Variants in IMPG1 observed in about 807,000 individuals in gnomAD.
The protein encoded by IMPG1 is interphotoreceptor matrix proteoglycan of 150 kDa.
Under a neutral mutation model 92.0 loss-of-function variants are expected in IMPG1, and 85 were observed. The ratio of observed to expected loss-of-function variants is 0.92; its 90% CI spans 0.78 to 1.11. IMPG1 has a LOEUF of 1.11. Ranked by LOEUF, IMPG1 falls within the 50% of genes least tolerant of loss-of-function variation. The pLI is 0.00. For missense variants in IMPG1, 1,022 were observed against 956.0 expected, an observed-to-expected ratio of 1.07 and a Z score of -0.91; for synonymous variants, 367 against 334.1, an observed-to-expected ratio of 1.10 and a Z score of -1.08.
Position 75,950,685 on chromosome 6 carries a change from G to A in IMPG1, c.1701C>T (p.Ala567=), listed in dbSNP as rs1490119508. 6.2e-7 allele frequency: 1 copy of A among 1,613,824 alleles called. No individual in the cohort carries two copies. Among genetic ancestry groups the A allele is most frequent in the Non-Finnish European group, 8.5e-7 (1 of 1,179,892 alleles). Residue 567 remains alanine (A), a synonymous_variant, in exon 13 of 17, where the codon GCC becomes GCT. Coordinates refer to ENST00000369950, the MANE Select transcript of IMPG1 (RefSeq NM_001563.4). ...QYITTSSMTI[A]PKGRELVVFF... is the part of the protein sequence containing the mutation. ...ACACTACCAGCTCTCGGCCCTTGGG[G>A]GCAATGGTCATAGAACTAGTGGTGA... is the stretch of plus-strand genomic sequence containing the variant.
chr6:76,000,484 G>A (rs563972523), intron 12 of IMPG1, among the ~76,000 whole-genome samples: 19 of 151,794 alleles, frequency 1.3e-4, no homozygotes, highest in East Asian at 7.8e-4. Flanking sequence ...TCTGTAAATC[G>A]CTATAAATCT....
intron 12 of IMPG1, among the ~76,000 whole-genome samples, chr6:75,969,410 T>C (rs1235978632): frequency 1.3e-5 from 2 of 152,140 alleles, no homozygotes; most frequent in Non-Finnish European, 2.9e-5. Context: ...CAAAATATCA[T>C]GTATGTGATA....
At chr6:75,944,312 C>A (rs1053228395) in intron 14 of IMPG1, among the ~76,000 whole-genome samples, 4 of 152,212 alleles carry the variant, frequency 2.6e-5, no homozygotes, top group African/African-American at 9.6e-5. Flanking sequence ...CGGTTTAGCA[C>A]AGTGGCTTCT....
At chr6:75,957,548 C>G (rs76654591) in intron 12 of IMPG1, among the ~76,000 whole-genome samples, 11,421 of 152,214 alleles carry the variant, frequency 0.075, 481 homozygotes, top group South Asian at 0.11. Context: ...GTCTAAGTCT[C>G]TTTGCAGGCC....
chr6:75,945,699 C>G (rs560604733), intron 14 of IMPG1, among the ~76,000 whole-genome samples: 1 of 152,298 alleles, frequency 6.6e-6, no homozygotes, highest in East Asian at 1.9e-4. Context: ...GCAGTTACCA[C>G]ACAAGATTCA....
chr6:75,967,841 AT>A (rs1782333969), intron 12 of IMPG1, among the ~76,000 whole-genome samples: 1 of 152,206 alleles, frequency 6.6e-6, no homozygotes, highest in Non-Finnish European at 1.5e-5. Context: ...AGAATTTGAT[AT>A]TTAGCCACAT....
chr6:76,066,509 A>T (rs999943453), intron 1 of IMPG1, among the ~76,000 whole-genome samples: 3 of 152,122 alleles, frequency 2.0e-5, no homozygotes, highest in Non-Finnish European at 4.4e-5. Context: ...TAACAAGAAA[A>T]TATAACATTT....
At chr6:75,995,370 A>AT (rs1782878737) in intron 12 of IMPG1, among the ~76,000 whole-genome samples, 1 of 152,170 alleles carries the variant, frequency 6.6e-6, no homozygotes, top group Non-Finnish European at 1.5e-5. Context: ...CAGGGCTTAT[A>AT]AAGCTCTATG....
At chr6:75,988,339 T>C (rs1020716805) in intron 12 of IMPG1, among the ~76,000 whole-genome samples, 2 of 152,194 alleles carry the variant, frequency 1.3e-5, no homozygotes, top group Non-Finnish European at 2.9e-5. Context: ...TGATATCTCA[T>C]TGTTGCTTTG....
chr6:75,945,404 C>G (rs955573508), intron 14 of IMPG1, among the ~76,000 whole-genome samples: 1 of 144,364 alleles, frequency 6.9e-6, no homozygotes, highest in Non-Finnish European at 1.5e-5. Flanking sequence ...GGCTGGAGTG[C>G]AGTGGGGGCA....
intron 12 of IMPG1, among the ~76,000 whole-genome samples, chr6:75,984,142 A>C (rs1262799649): frequency 6.6e-6 from 1 of 152,246 alleles, no homozygotes; most frequent in East Asian, 1.9e-4. Context: ...TGTAACCATT[A>C]AGTAAAGCAG....
intron 1 of IMPG1, among the ~76,000 whole-genome samples, chr6:76,063,110 A>G (rs1784235437): frequency 6.6e-6 from 1 of 152,120 alleles, no homozygotes; most frequent in Non-Finnish European, 1.5e-5. Context: ...AGGCTGAGGC[A>G]GGCGAATCGC....
chr6:76,035,017 C>T (rs113008063), intron 2 of IMPG1, among the ~76,000 whole-genome samples: 28 of 145,954 alleles, frequency 1.9e-4, no homozygotes, highest in Admixed American at 1.0e-3. Context: ...TGTGTGTGTG[C>T]GTGTGTGTGT....
chr6:75,922,934 GAT>G (rs1353543392), intron 16 of IMPG1, among the ~76,000 whole-genome samples: 1 of 151,846 alleles, frequency 6.6e-6, no homozygotes, highest in African/African-American at 2.4e-5. Context: ...GTAGACTTTA[GAT>G]AAAGTAGACA....
intron 14 of IMPG1, among the ~76,000 whole-genome samples, chr6:75,936,989 G>A (rs1582052965): frequency 6.6e-6 from 1 of 152,300 alleles, no homozygotes; most frequent in East Asian, 1.9e-4. Context: ...AGTGTGTCTG[G>A]CAGTCCAACC....
At chr6:75,927,255 G>C (rs1197877897) in intron 15 of IMPG1, among the ~76,000 whole-genome samples, 1 of 152,096 alleles carries the variant, frequency 6.6e-6, no homozygotes. Flanking sequence ...CCATTAGATA[G>C]ATGAGAAATT....
intron 12 of IMPG1, among the ~76,000 whole-genome samples, chr6:75,981,237 A>G (rs945057032): frequency 3.3e-5 from 5 of 152,214 alleles, no homozygotes. Flanking sequence ...TATGCTTAAT[A>G]CCAAAATCTA....
intron 1 of IMPG1, among the ~76,000 whole-genome samples, chr6:76,043,604 C>T (rs1055041767): frequency 1.2e-4 from 18 of 152,248 alleles, no homozygotes; most frequent in East Asian, 7.7e-4. Context: ...GTGTAGAATA[C>T]GGGCATCAGC....
intron 6 of IMPG1, among the ~76,000 whole-genome samples, chr6:76,019,159 G>A (rs916491928): frequency 2.0e-5 from 3 of 152,124 alleles, no homozygotes; most frequent in Non-Finnish European, 4.4e-5. Context: ...GGCTAAGAAC[G>A]GAGGCATGGT....
Sources: gnomAD v4.1 joint callset for allele counts (sites outside exome capture counted in the v4.1 genomes callset) on GRCh38, gnomAD v4.1.1 for gene constraint, MANE v1.5 for transcripts, NCBI Gene and HGNC (gene_info 2026-07-23, HGNC 2026-07-21) for gene names.